Variants in DACH1 observed in about 807,000 individuals in gnomAD.
DACH1 encodes the protein dachshund homolog 1.
A neutral mutation model predicts 54.2 loss-of-function variants in DACH1; 12 were observed. That is an observed-to-expected ratio of 0.22 (90% CI 0.14 to 0.36). The LOEUF is 0.36. Ranked by LOEUF, DACH1 falls within the 10% of genes least tolerant of loss-of-function variation. The pLI is 1.00. For missense variants in DACH1, 805 were observed against 929.8 expected, an observed-to-expected ratio of 0.87 and a Z score of 1.75; for synonymous variants, 386 against 366.2, an observed-to-expected ratio of 1.05 and a Z score of -0.62.
intron 1 of DACH1, among the ~76,000 whole-genome samples, chr13:71,863,375 C>T (rs1007906115): frequency 6.6e-6 from 1 of 151,940 alleles, no homozygotes; most frequent in African/African-American, 2.4e-5. Flanking sequence ...TTTGAGTAAG[C>T]TTTTTTAGTT....
chr13:71,808,948 A>T (rs1485474999), intron 1 of DACH1, among the ~76,000 whole-genome samples: 2 of 152,218 alleles, frequency 1.3e-5, no homozygotes, highest in African/African-American at 4.8e-5. Context: ...CAACACAAAC[A>T]CAGGAATGAA....
At chr13:71,445,588 G>A (rs1012097251) in intron 10 of DACH1, among the ~76,000 whole-genome samples, 4 of 152,200 alleles carry the variant, frequency 2.6e-5, no homozygotes, top group Non-Finnish European at 4.4e-5. Flanking sequence ...AGAATCCACC[G>A]GAGGCAGAAA....
At chr13:71,449,839 A>C (rs1217189838) in intron 10 of DACH1, among the ~76,000 whole-genome samples, 1 of 150,134 alleles carries the variant, frequency 6.7e-6, no homozygotes, top group Non-Finnish European at 1.5e-5. Flanking sequence ...AGTACATGAG[A>C]GAACACAGGT....
At chr13:71,568,413 G>C (rs1885018600) in intron 4 of DACH1, among the ~76,000 whole-genome samples, 1 of 151,934 alleles carries the variant, frequency 6.6e-6, no homozygotes, top group African/African-American at 2.4e-5. Context: ...GTGATAGAGG[G>C]TGACTTCAAT....
intron 2 of DACH1, among the ~76,000 whole-genome samples, chr13:71,644,048 GA>G (rs1443023730): frequency 2.0e-5 from 3 of 152,160 alleles, no homozygotes; most frequent in Non-Finnish European, 2.9e-5. Flanking sequence ...CAAAAGGGAG[GA>G]GGGGGACATG....
intron 2 of DACH1, among the ~76,000 whole-genome samples, chr13:71,634,448 C>T (rs769620968): frequency 6.6e-6 from 1 of 152,138 alleles, no homozygotes; most frequent in African/African-American, 2.4e-5. Flanking sequence ...TTCCTTTTCA[C>T]TAGCAAACGA....
At chr13:71,806,834 G>A (rs192476230) in intron 1 of DACH1, among the ~76,000 whole-genome samples, 1 of 152,268 alleles carries the variant, frequency 6.6e-6, no homozygotes, top group East Asian at 1.9e-4. Context: ...TAGATCCAAA[G>A]TGATGGAGTT....
chr13:71,628,006 T>C (rs547137364), intron 3 of DACH1, among the ~76,000 whole-genome samples: 2 of 152,220 alleles, frequency 1.3e-5, no homozygotes, highest in South Asian at 2.1e-4. Flanking sequence ...TAAGCAGACA[T>C]TGTAATAAAT....
intron 1 of DACH1, among the ~76,000 whole-genome samples, chr13:71,760,548 A>G (rs1028768781): frequency 1.3e-5 from 2 of 152,182 alleles, no homozygotes; most frequent in Non-Finnish European, 2.9e-5. Context: ...TTTCAAATAA[A>G]CAGTCACCCA....
At chr13:71,629,479 T>C (rs1566390713) in intron 3 of DACH1, among the ~76,000 whole-genome samples, 1 of 152,206 alleles carries the variant, frequency 6.6e-6, no homozygotes. Context: ...AACAGTATTT[T>C]GTGTTTTGTC....
At chr13:71,819,481 TC>T (rs1888103387) in intron 1 of DACH1, among the ~76,000 whole-genome samples, 1 of 152,188 alleles carries the variant, frequency 6.6e-6, no homozygotes, top group Admixed American at 6.5e-5. Flanking sequence ...TTTTATGTGG[TC>T]CTGGTCTGGG....
intron 10 of DACH1, among the ~76,000 whole-genome samples, chr13:71,470,101 A>G (rs764092837): frequency 2.6e-5 from 4 of 152,206 alleles, no homozygotes; most frequent in Non-Finnish European, 5.9e-5. Flanking sequence ...GCAAAAAACT[A>G]CTAGTTTGAA....
intron 1 of DACH1, among the ~76,000 whole-genome samples, chr13:71,772,138 A>T (rs1328868292): frequency 6.6e-6 from 1 of 151,612 alleles, no homozygotes; most frequent in Admixed American, 6.6e-5. Flanking sequence ...CCTCTACAGT[A>T]TACTTGCCCC....
At chr13:71,496,527 A>G (rs1219822232) in intron 6 of DACH1, among the ~76,000 whole-genome samples, 1 of 151,800 alleles carries the variant, frequency 6.6e-6, no homozygotes, top group Non-Finnish European at 1.5e-5. Context: ...ACAAGGACAT[A>G]GAGTGTAGAC....
chr13:71,585,844 G>C (rs1310268089), intron 3 of DACH1, among the ~76,000 whole-genome samples: 1 of 152,078 alleles, frequency 6.6e-6, no homozygotes, highest in Non-Finnish European at 1.5e-5. Context: ...CATTGACATT[G>C]ATATGACCAG....
chr13:71,512,891 T>A (rs1168126127), intron 6 of DACH1, among the ~76,000 whole-genome samples: 1 of 151,882 alleles, frequency 6.6e-6, no homozygotes, highest in Non-Finnish European at 1.5e-5. Flanking sequence ...ATAATCTTTT[T>A]TTAAAGATTA....
At chr13:71,594,724 T>C (rs1408592010) in intron 3 of DACH1, among the ~76,000 whole-genome samples, 1 of 152,150 alleles carries the variant, frequency 6.6e-6, no homozygotes. Flanking sequence ...TTTTGTTAAA[T>C]ATCAACAAAC....
chr13:71,843,884 G>A, intron 1 of DACH1, among the ~76,000 whole-genome samples: 1 of 152,120 alleles, frequency 6.6e-6, no homozygotes, highest in East Asian at 1.9e-4. Context: ...CTTAAACTAG[G>A]AACATTTATT....
chr13:71,806,327 C>T (rs955813815), intron 1 of DACH1, among the ~76,000 whole-genome samples: 9 of 152,146 alleles, frequency 5.9e-5, no homozygotes, highest in East Asian at 5.8e-4. Context: ...ATGAGCCATT[C>T]GACAATCACA....
Sources: allele counts gnomAD v4.1 joint callset (sites outside exome capture counted in the v4.1 genomes callset), GRCh38; gene constraint gnomAD v4.1.1; transcripts MANE v1.5; gene names NCBI Gene and HGNC (gene_info 2026-07-23, HGNC 2026-07-21).